Variants in EIF4B observed in about 807,000 individuals in gnomAD.
The protein encoded by EIF4B is eukaryotic translation initiation factor 4B.
A neutral mutation model predicts 79.3 loss-of-function variants in EIF4B; 8 were observed. The observed-to-expected ratio is 0.10, with a 90% CI of 0.06 to 0.18. The LOEUF is 0.18. EIF4B is among the 10% of genes least tolerant of loss of function. EIF4B has a pLI of 1.00. For missense variants in EIF4B, 515 were observed against 792.4 expected (o/e 0.65, Z 4.20); for synonymous variants, 238 against 274.7 (o/e 0.87, Z 1.32).
At chr12:53,018,560 C>A (rs1435763828) in intron 2 of EIF4B, among the ~76,000 whole-genome samples, 1 of 152,040 alleles carries the variant, frequency 6.6e-6, no homozygotes, top group East Asian at 1.9e-4. Context: ...CAGTAATATT[C>A]CATAAAGAGT....
At chr12:53,008,300 T>A (rs1050313822) in intron 1 of EIF4B, among the ~76,000 whole-genome samples, 2 of 152,242 alleles carry the variant, frequency 1.3e-5, no homozygotes, top group Non-Finnish European at 1.5e-5. Flanking sequence ...TCCCATTCTC[T>A]TGTTCTTCCA....
chr12:53,025,101 AAG>A, intron 6 of EIF4B: 1 of 401,470 alleles, frequency 2.5e-6, no homozygotes. Context: ...ATAGGTCTGA[AAG>A]AAGGATAAAT....
rs1371704721 is a variant in EIF4B, at chr12:53,038,409, A to G, written c.1574A>G (p.Lys525Arg). The change falls in exon 12 of 15, where the codon AAA becomes AGA. Residue 525 changes from lysine to arginine, a missense_variant and splice_region_variant. Transcript: ENST00000262056. ...CCATCTGAGGAAGGACCAGGAAGGAAAGGTGAGCTCATAGTATGGGAAATA... is the reference window on the plus strand; with the variant it reads ...CCATCTGAGGAAGGACCAGGAAGGAGAGGTGAGCTCATAGTATGGGAAATA... ...AQPSEEGPGR[K>R]DENKVDGMNA... The G allele has an allele frequency of 6.3e-7, 1 of 1,598,492 alleles. No individual in the cohort carries two copies. The highest frequency in any genetic ancestry group is 8.5e-7 in the Non-Finnish European group (1 of 1,172,310).
intron 3 of EIF4B, among the ~76,000 whole-genome samples, chr12:53,019,437 ATTTTTTTTTTTTC>A (rs1467255553): frequency 3.1e-3 from 157 of 51,014 alleles, no homozygotes; most frequent in African/African-American, 9.8e-3. Flanking sequence ...ATATATATAT[ATTTTTTTTTTTTC>A]TTTTTTTTTT....
rs765226905 is a variant in EIF4B, at chr12:53,041,081, T to C, written c.*858T>C. The C allele has an allele frequency of 1.3e-5, 2 of 152,210 alleles. No individual in the cohort carries two copies. The highest frequency in any genetic ancestry group is 2.9e-5 in the Non-Finnish European group (2 of 68,042). 9.4% of individuals were successfully genotyped at this position (152,210 alleles called of 1,614,324 possible). A position where few individuals can be genotyped will look rare whatever the true frequency, so the allele number is the denominator to read the frequency against. On this transcript the variant is annotated 3_prime_UTR_variant, in exon 15 of 15. Transcript: ENST00000262056. ...CTGTCCTTTTTGAAAGTTTTGAATA[T>C]ATCCACATTCTATTGAAACCTTGAA...
chr12:53,019,450 C>CTTTTCTTTTTTT (rs1943208491), intron 3 of EIF4B, among the ~76,000 whole-genome samples: 6 of 65,998 alleles, frequency 9.1e-5, no homozygotes, highest in Non-Finnish European at 1.9e-4. Context: ...TTTTTTTTTT[C>CTTTTCTTTTTTT]TTTTTTTTTT....
intron 6 of EIF4B, among the ~76,000 whole-genome samples, chr12:53,024,656 T>C (rs537554750): frequency 1.3e-4 from 20 of 148,774 alleles, no homozygotes; most frequent in African/African-American, 4.2e-4. Flanking sequence ...CTCTTTGTTT[T>C]GTTTTGTTTT....
intron 6 of EIF4B, among the ~76,000 whole-genome samples, chr12:53,024,133 T>A (rs548701856): frequency 2.0e-5 from 3 of 152,232 alleles, no homozygotes; most frequent in African/African-American, 7.2e-5. Flanking sequence ...GTGGGAAATA[T>A]CATGGGGTAG....
chr12:53,039,439 A>C (rs1328598491), intron 13 of EIF4B, 96 bp downstream of exon 13: 1 of 1,248,918 alleles, frequency 8.0e-7, no homozygotes, highest in Non-Finnish European at 1.1e-6. Flanking sequence ...CAGATCGCTC[A>C]TTGTGAGCAA....
intron 9 of EIF4B, 38 bp from the exon 10 acceptor site, chr12:53,034,574 G>A (rs774724042): frequency 1.2e-6 from 2 of 1,611,194 alleles, no homozygotes; most frequent in Non-Finnish European, 1.7e-6. Context: ...CCTTCACTGA[G>A]CCAGGCATAA....
At position 53,006,514 on chromosome 12, in the gene EIF4B, C is replaced by G; in HGVS notation, c.13+18C>G. On this transcript the variant is annotated intron_variant, in intron 1 of 14. Coordinates refer to ENST00000262056, the MANE Select transcript of EIF4B (RefSeq NM_001417.7). The stretch of plus-strand genomic sequence containing the variant: ...GGCCTCAGGTGAGCGAGCAGCCGAG[C>G]GCGGCCAAGGACTGGGCTCTGAAAC... 6.2e-7 allele frequency: 1 copy of G among 1,613,524 alleles called. No homozygotes were observed. Among genetic ancestry groups the G allele is most frequent in the Non-Finnish European group, 8.5e-7 (1 of 1,180,024 alleles).
At chr12:53,011,904 T>C (rs1943071344) in intron 1 of EIF4B, among the ~76,000 whole-genome samples, 1 of 152,214 alleles carries the variant, frequency 6.6e-6, no homozygotes, top group Non-Finnish European at 1.5e-5. Context: ...ACATAAGATT[T>C]AGAGAAAATT....
At chr12:53,027,691 CAG>C in intron 6 of EIF4B, 89 bp from the exon 7 acceptor site, 1 of 1,451,200 alleles carries the variant, frequency 6.9e-7, no homozygotes, top group Non-Finnish European at 9.1e-7. Flanking sequence ...TTTAAATAAA[CAG>C]ATTCTTCCAA....
intron 8 of EIF4B, among the ~76,000 whole-genome samples, chr12:53,032,767 G>T (rs1943469307): frequency 6.6e-6 from 1 of 151,522 alleles, no homozygotes; most frequent in African/African-American, 2.4e-5. Context: ...TCCCCGGTGG[G>T]TTCAAGCGAT....
intron 13 of EIF4B, 82 bp downstream of exon 13, chr12:53,039,425 C>G (rs1264330413): frequency 7.8e-7 from 1 of 1,286,288 alleles, no homozygotes; most frequent in Admixed American, 2.4e-5. Context: ...TCTCAGAGCA[C>G]TGCCAGATCG....
Position 53,039,665 on chromosome 12 carries a change from C to G in EIF4B, c.1718C>G (p.Ala573Gly). 1.2e-6 allele frequency: 2 copies of G among 1,613,808 alleles called. No homozygotes were observed. The highest frequency in any genetic ancestry group is 1.7e-6 in the Non-Finnish European group (2 of 1,179,818). The change falls in exon 14 of 15, where the codon GCA becomes GGA. Residue 573 changes from alanine to glycine, a missense_variant. This residue lies in a region of EIF4B where 60 missense variants were observed against 56.7 expected (regional missense o/e 1.06). Transcript: ENST00000262056. ...DGKKDQDSRS[A>G]PEPKKPEENP... ...AAAAAGGATCAAGACTCCAGATCTG[C>G]ACCTGAGCCAAAGAAACCTGAGGAA...
In EIF4B at chr12:53,034,656, C is replaced by T. The variant is rs1943506203; in HGVS notation, c.1253C>T (p.Ser418Leu). Residue 418 changes from serine to leucine, a missense_variant, in exon 10 of 15, where the codon TCG becomes TTG. Coordinates refer to ENST00000262056, the MANE Select transcript of EIF4B (RefSeq NM_001417.7). Reference sequence around the variant, plus strand: ...GAAGAAACTCAGGAACGGGAACGGTCGAGGACAGGAAGTGAGTCATCACAA... The same window carrying T: ...GAAGAAACTCAGGAACGGGAACGGTTGAGGACAGGAAGTGAGTCATCACAA... ...RSEETQERER[S>L]RTGSESSQTG... The T allele has an allele frequency of 5.0e-6, 8 of 1,613,846 alleles. No individual in the cohort carries two copies. Among genetic ancestry groups the T allele is most frequent in the East Asian group, 2.2e-5 (1 of 44,900 alleles).
chr12:53,024,610 A>C (rs61927958), intron 6 of EIF4B, among the ~76,000 whole-genome samples: 246 of 152,338 alleles, frequency 1.6e-3, no homozygotes, highest in Non-Finnish European at 3.1e-3. Flanking sequence ...TGTTTGAAAT[A>C]GTTTAAGTAA....
rs750329171 is a variant in EIF4B, at chr12:53,016,538, A to C, written c.79A>C (p.Thr27Pro). 6.2e-7 allele frequency: 1 copy of C among 1,613,570 alleles called. No homozygotes were observed. The highest frequency in any genetic ancestry group is 2.2e-5 in the East Asian group (1 of 44,876). Residue 27 changes from threonine to proline, a missense_variant, in exon 2 of 15, where the codon ACT (threonine) becomes CCT (proline). Thr to Pro is a conservative substitution (Grantham distance 38, BLOSUM62 -1). Transcript: ENST00000262056. ...AGACTTTCTGGCTGAGGATGGGGGT[A>C]CTGGTGGAGGAAGCACCTATGTTTC... ...LTDFLAEDGG[T>P]GGGSTYVSKP...
Sources: gnomAD v4.1 joint callset for allele counts (sites outside exome capture counted in the v4.1 genomes callset) on GRCh38, gnomAD v4.1.1 for gene constraint, gnomAD v4.1.1 regional missense constraint, MANE v1.5 for transcripts, NCBI Gene and HGNC (gene_info 2026-07-23, HGNC 2026-07-21) for gene names.